Variants in MRPL9 observed in about 807,000 individuals in gnomAD.
MRPL9 encodes mitochondrial ribosomal protein L9.
In MRPL9, 25 loss-of-function variants were observed where a neutral mutation model predicts 27.6. The ratio of observed to expected loss-of-function variants is 0.91; its 90% CI spans 0.66 to 1.27. The LOEUF is 1.27. Ranked by LOEUF, MRPL9 falls within the 50% of genes most tolerant of loss-of-function variation. The pLI, the probability that MRPL9 is intolerant of heterozygous loss-of-function variation, is 0.00. For missense variants in MRPL9, 362 were observed against 338.0 expected (o/e 1.07, Z -0.56); for synonymous variants, 154 against 139.0 (o/e 1.11, Z -0.76).
rs774267020 is a variant in MRPL9 at position 151,763,491 on chromosome 1, C to T, written c.-12G>A. 1 of 1,565,292 alleles carries T rather than the reference C, an allele frequency of 6.4e-7. No homozygotes were observed. Among genetic ancestry groups the T allele is most frequent in the Non-Finnish European group, 8.7e-7 (1 of 1,155,534 alleles). On this transcript the variant is annotated 5_prime_UTR_variant, in exon 1 of 7. It adds an upstream start codon to the 5' untranslated region. Coordinates refer to ENST00000368830, the MANE Select transcript of MRPL9 (RefSeq NM_031420.4). ...ACGGGCGCCGCCATGTTCACAGGCA[C>T]AGAATGAGACCTGAGGGAGGACCCC...
rs1319278861 is a variant in MRPL9, at chr1:151,763,470, G to A, written c.10C>T (p.Pro4Ser). 11 of 1,574,638 alleles carry A rather than the reference G, an allele frequency of 7.0e-6. No homozygotes were observed. In the East Asian group the frequency reaches 1.9e-4, roughly 27 times the overall value. The change falls in exon 1 of 7, where the codon CCC (proline) becomes TCC (serine). Residue 4 changes from proline to serine, a missense_variant. Pro to Ser is a moderately conservative substitution (Grantham distance 74). Coordinates refer to ENST00000368830, the MANE Select transcript of MRPL9 (RefSeq NM_031420.4). ...GCTCTGCCCGGGGCCGTGACAACGG[G>A]CGCCGCCATGTTCACAGGCACAGAA... is the stretch of plus-strand genomic sequence containing the variant. MAA[P>S]VVTAPGRALL...
intron 3 of MRPL9, 25 bp downstream of exon 3, chr1:151,762,349 GTC>G (rs747889192): frequency 5.0e-6 from 8 of 1,613,710 alleles, no homozygotes; most frequent in Non-Finnish European, 5.9e-6. Context: ...ATCTCCCCAA[GTC>G]TCTCTGTCCT....
At chr1:151,761,784 G>A (rs1417145045) in intron 4 of MRPL9, among the ~76,000 whole-genome samples, 1 of 152,180 alleles carries the variant, frequency 6.6e-6, no homozygotes, top group Admixed American at 6.5e-5. Flanking sequence ...GCGGGTGCCT[G>A]TACTGATTAT....
chr1:151,762,855 C>T lies in MRPL9; in HGVS notation c.310+135G>A, dbSNP rs1648165278. The T allele has an allele frequency of 2.7e-6, 3 of 1,098,624 alleles. No homozygotes were observed. The Admixed American group carries it at 7.1e-5, about 26-fold the overall frequency. 68.1% of individuals were successfully genotyped at this position (1,098,624 alleles called of 1,614,324 possible). On this transcript the variant is annotated intron_variant, in intron 2 of 6. Coordinates refer to ENST00000368830, the MANE Select transcript of MRPL9 (RefSeq NM_031420.4). ...GTCACAATCACAATAGTTTTTATGG[C>T]TTCCTCTTCTCACATATAGAGTTGG...
In MRPL9 at chr1:151,761,544, T is replaced by C. The variant is rs1432069326; in HGVS notation, c.495A>G (p.Lys165=). ...CCTCCAGGCGACAGCTTTTTAGAAATTTCACTGTCTGAAAGGAATTATGAG... is the reference window on the plus strand; with the variant it reads ...CCTCCAGGCGACAGCTTTTTAGAAACTTCACTGTCTGAAAGGAATTATGAG... The part of the protein sequence containing the change: ...IQTKAGEATV[K]FLKSCRLEVG... The change falls in exon 5 of 7, where the codon AAA becomes AAG. Residue 165 remains lysine (K), a synonymous_variant. Transcript: ENST00000368830. The C allele has an allele frequency of 1.2e-6, 2 of 1,610,314 alleles. No homozygotes were observed. The highest frequency in any genetic ancestry group is 1.7e-6 in the Non-Finnish European group (2 of 1,176,770).
chr1:151,762,627 T>A (rs1352466959), intron 2 of MRPL9, 127 bp from the exon 3 acceptor site: 4 of 954,802 alleles, frequency 4.2e-6, no homozygotes, highest in Non-Finnish European at 4.6e-6. Context: ...TGCTAATTCA[T>A]ATTCACTAGG....
At position 151,761,467 on chromosome 1, in the gene MRPL9, C is replaced by T. The variant is rs774925425; in HGVS notation, c.572G>A (p.Arg191His). The T allele has an allele frequency of 1.2e-5, 19 of 1,613,106 alleles. No homozygotes were observed. Among genetic ancestry groups the T allele is most frequent in the East Asian group, 1.1e-4 (5 of 44,882 alleles). ...KWELNPEIVA[R>H]HFFKNLGVVV... ...CTCACTCACATTCTTAAAGAAGTGG[C>T]GGGCAACTATTTCAGGGTTCAGCTC... Residue 191 changes from arginine to histidine, a missense_variant, in exon 5 of 7, where the codon CGC becomes CAC. Coordinates refer to ENST00000368830, the MANE Select transcript of MRPL9 (RefSeq NM_031420.4).
Position 151,759,865 on chromosome 1 carries a change from C to G in MRPL9, c.*185G>C. 2.8e-6 allele frequency: 2 copies of G among 710,016 alleles called. No individual in the cohort carries two copies. Among genetic ancestry groups the G allele is most frequent in the Non-Finnish European group, 4.3e-6 (2 of 467,804 alleles). 44.0% of individuals were successfully genotyped at this position (710,016 alleles called of 1,614,324 possible). A position where few individuals can be genotyped will look rare whatever the true frequency, so the allele number is the denominator to read the frequency against. ...ACTTCTGGAACAGGACTTCCCTGCC[C>G]CAGTGATGACAGTTAAAGATGGCAA... On this transcript the variant is annotated 3_prime_UTR_variant, in exon 7 of 7. Transcript: ENST00000368830.
intron 4 of MRPL9, 149 bp downstream of exon 4, chr1:151,761,956 C>G (rs1229229142): frequency 1.3e-6 from 1 of 751,540 alleles, no homozygotes; most frequent in Non-Finnish European, 2.3e-6. Context: ...CAAGAGGTCT[C>G]CATACCTGTT....
At chr1:151,762,249 C>T (rs1648123535) in intron 3 of MRPL9, 94 bp from the exon 4 acceptor site, 2 of 1,567,716 alleles carry the variant, frequency 1.3e-6, no homozygotes, top group South Asian at 1.1e-5. Flanking sequence ...ATTGGCTGGG[C>T]TTCTGCATTC....
In MRPL9 at chr1:151,761,565, ATGAGTT is replaced by A. The variant is rs1558127802; in HGVS notation, c.487-19_487-14del. On this transcript the variant is annotated splice_polypyrimidine_tract_variant and intron_variant, in intron 4 of 6. Transcript: ENST00000368830. ...GAAATTTCACTGTCTGAAAGGAATT[ATGAGTT>A]TGAGTCAAAGGAGAGGAAACATGTC... 1.3e-6 allele frequency: 2 copies of A among 1,588,102 alleles called. No individual in the cohort carries two copies.
Position 151,763,495 on chromosome 1 carries a change from A to T in MRPL9, c.-16T>A. On this transcript the variant is annotated 5_prime_UTR_variant, in exon 1 of 7. Coordinates refer to ENST00000368830, the MANE Select transcript of MRPL9 (RefSeq NM_031420.4). ...GCGCCGCCATGTTCACAGGCACAGA[A>T]TGAGACCTGAGGGAGGACCCCGGCG... is the stretch of plus-strand genomic sequence containing the variant. The T allele has an allele frequency of 6.4e-7, 1 of 1,553,758 alleles. No individual in the cohort carries two copies. Among genetic ancestry groups the T allele is most frequent in the Non-Finnish European group, 8.7e-7 (1 of 1,148,184 alleles).
chr1:151,763,011 T>A lies in MRPL9; in HGVS notation c.289A>T (p.Ile97Phe), dbSNP rs774478098. 1.2e-6 allele frequency: 2 copies of A among 1,613,252 alleles called. No individual in the cohort carries two copies. The highest frequency in any genetic ancestry group is 1.7e-6 in the Non-Finnish European group (2 of 1,179,308). Reference protein sequence around the residue: ...KHRPKENLELILTQSVENVGV... With the variant: ...KHRPKENLELFLTQSVENVGV... ...TTACTCTCCACCGACTGCGTCAGGA[T>A]GAGCTCCAGGTTTTCTTTGGGCCGA... The change falls in exon 2 of 7, where the codon ATC (isoleucine) becomes TTC (phenylalanine). Residue 97 changes from isoleucine (I) to phenylalanine (F), a missense_variant. By Grantham distance (21) the Ile-to-Phe change is conservative. Transcript: ENST00000368830.
intron 5 of MRPL9, 76 bp downstream of exon 5, chr1:151,761,375 G>A: frequency 1.0e-6 from 1 of 996,596 alleles, no homozygotes; most frequent in Non-Finnish European, 1.6e-6. Context: ...CCTAACAAAG[G>A]GATCAATCCC....
In MRPL9 at chr1:151,760,148, A is replaced by T; in HGVS notation, c.706T>A (p.Ser236Thr). 1 of 1,614,186 alleles carries T rather than the reference A, an allele frequency of 6.2e-7. No homozygotes were observed. Among genetic ancestry groups the T allele is most frequent in the Non-Finnish European group, 8.5e-7 (1 of 1,180,026 alleles). Residue 236 changes from serine to threonine, a missense_variant, in exon 7 of 7, where the codon TCT becomes ACT. Ser to Thr is a moderately conservative substitution (Grantham distance 58, BLOSUM62 1). Coordinates refer to ENST00000368830, the MANE Select transcript of MRPL9 (RefSeq NM_031420.4). ...TTGGGCTTCTCAAAGTTCACGACAGACATAGGCACTCTCACAGTATCAAGC... is the reference window on the plus strand; with the variant it reads ...TTGGGCTTCTCAAAGTTCACGACAGTCATAGGCACTCTCACAGTATCAAGC... ...NGLDTVRVPM[S>T]VVNFEKPKTK... is the part of the protein sequence containing the mutation.
chr1:151,760,164 A>G lies in MRPL9; in HGVS notation c.690T>C (p.Thr230=), dbSNP rs1448575253. Residue 230 remains threonine, a synonymous_variant, in exon 7 of 7, where the codon ACT becomes ACC. Transcript: ENST00000368830. Reference sequence around the variant, plus strand: ...TCACGACAGACATAGGCACTCTCACAGTATCAAGCCCATTTACCTGCACAC... The same window carrying G: ...TCACGACAGACATAGGCACTCTCACGGTATCAAGCCCATTTACCTGCACAC... ...WCEVTVNGLD[T]VRVPMSVVNF... 5 of 1,614,062 alleles carry G rather than the reference A, an allele frequency of 3.1e-6. No individual in the cohort carries two copies. The highest frequency in any genetic ancestry group is 4.5e-5 in the East Asian group (2 of 44,896).
chr1:151,761,424 G>C, intron 5 of MRPL9, 27 bp downstream of exon 5: 1 of 1,525,878 alleles, frequency 6.6e-7, no homozygotes. Flanking sequence ...CTCAGGGGTA[G>C]AGTGGTTTTT....
intron 5 of MRPL9, 152 bp downstream of exon 5, chr1:151,761,299 T>G: frequency 1.5e-6 from 1 of 646,416 alleles, no homozygotes; most frequent in Non-Finnish European, 2.8e-6. Flanking sequence ...AGCCATTTCC[T>G]TCCCATATTC....
intron 5 of MRPL9, 53 bp from the exon 6 acceptor site, chr1:151,760,952 C>T: frequency 7.3e-7 from 1 of 1,369,936 alleles, no homozygotes; most frequent in Non-Finnish European, 9.6e-7. Context: ...ACTCTGTTTT[C>T]ATGACTGCCA....
Sources: gnomAD v4.1 joint callset for allele counts (sites outside exome capture counted in the v4.1 genomes callset) on GRCh38, gnomAD v4.1.1 for gene constraint, MANE v1.5 for transcripts, NCBI Gene and HGNC (gene_info 2026-07-23, HGNC 2026-07-21) for gene names.